Variants in POLG2 observed in about 807,000 individuals in gnomAD.
The protein encoded by POLG2 is DNA polymerase subunit gamma-2.
In POLG2, 50 loss-of-function variants were observed where a neutral mutation model predicts 56.5. The ratio of observed to expected loss-of-function variants is 0.88; its 90% CI spans 0.71 to 1.12. The LOEUF is 1.12. POLG2 is among the 50% of genes most tolerant of loss of function. The pLI is 0.00. For missense variants in POLG2, 584 were observed against 583.3 expected (o/e 1.00, Z -0.01); for synonymous variants, 226 against 222.6 (o/e 1.02, Z -0.14).
chr17:64,494,873 T>G (rs2038123203), intron 1 of POLG2, among the ~76,000 whole-genome samples: 1 of 152,186 alleles, frequency 6.6e-6, no homozygotes, highest in Admixed American at 6.5e-5. Context: ...CTGGTTCATC[T>G]TAGAAACCAA....
In POLG2 at chr17:64,477,957, A is replaced by C. The variant is rs1555665803; in HGVS notation, c.1324T>G (p.Leu442Val). 2 of 1,613,994 alleles carry C rather than the reference A, an allele frequency of 1.2e-6. No homozygotes were observed. Among genetic ancestry groups the C allele is most frequent in the Non-Finnish European group, 1.7e-6 (2 of 1,179,962 alleles). Residue 442 changes from leucine (L) to valine (V), a missense_variant, in exon 8 of 8, where the codon TTG becomes GTG. Physicochemically the swap from Leu to Val is conservative, Grantham distance 32. Coordinates refer to ENST00000539111, the MANE Select transcript of POLG2 (RefSeq NM_007215.4). Reference protein sequence around the residue: ...YDEMSILFTVLVTETTLENGL... With the variant: ...YDEMSILFTVVVTETTLENGL... ...TTCTCCAAAGTAGTTTCAGTAACCA[A>C]AACTGTGAAGAGAATACTCATTTCA...
At chr17:64,485,496 C>T in intron 5 of POLG2, 1 of 534,578 alleles carries the variant, frequency 1.9e-6, no homozygotes, top group Non-Finnish European at 3.3e-6. Context: ...TGTCTGTTCA[C>T]AATTAAACAG....
At chr17:64,493,119 G>T in intron 1 of POLG2, 98 bp from the exon 2 acceptor site, 1 of 1,306,446 alleles carries the variant, frequency 7.7e-7, no homozygotes, top group Non-Finnish European at 1.1e-6. Context: ...CGTTAACACA[G>T]CATAAAGACA....
Position 64,493,708 on chromosome 17 carries a change from G to A in POLG2, c.563-687C>T, listed in dbSNP as rs572226197. Among the ~76,000 whole-genome samples, 97 of 152,076 alleles carry A rather than the reference G, an allele frequency of 6.4e-4. 2 individuals are homozygous for A. Among genetic ancestry groups the A allele is most frequent in the Admixed American group, 4.8e-3 (73 of 15,276 alleles). ...TCACCGTGTTAGCCAGGTTGGTCTC[G>A]ATCTCCTGACCTCATGATCTGCCTG... On this transcript the variant is annotated intron_variant, in intron 1 of 7. Coordinates refer to ENST00000539111, the MANE Select transcript of POLG2 (RefSeq NM_007215.4).
intron 4 of POLG2, among the ~76,000 whole-genome samples, chr17:64,488,532 ATTC>A (rs1362942082): frequency 2.1e-4 from 32 of 152,284 alleles, no homozygotes; most frequent in Admixed American, 9.8e-4. Flanking sequence ...GCGAGACCCC[ATTC>A]TTCATACAAA....
chr17:64,496,731 T>C lies in POLG2; in HGVS notation c.238A>G (p.Ser80Gly). 6.2e-7 allele frequency: 1 copy of C among 1,614,002 alleles called. No homozygotes were observed. Residue 80 changes from serine to glycine, a missense_variant, in exon 1 of 8, where the codon AGT becomes GGT. Coordinates refer to ENST00000539111, the MANE Select transcript of POLG2 (RefSeq NM_007215.4). ...LEICQRRHFL[S>G]GSKQQLSRDS... The stretch of plus-strand genomic sequence containing the variant: ...CGGCTAAGCTGCTGCTTGCTTCCAC[T>C]TAGGAAATGCCTTCTCTGACAGATC...
intron 3 of POLG2, 108 bp downstream of exon 3, chr17:64,492,559 A>C (rs1555668699): frequency 1.4e-6 from 1 of 692,018 alleles, no homozygotes; most frequent in Non-Finnish European, 2.5e-6. Context: ...TAATATATTA[A>C]TAGCTACATA....
chr17:64,495,177 CA>C (rs782184151), intron 1 of POLG2, among the ~76,000 whole-genome samples: 29 of 119,288 alleles, frequency 2.4e-4, no homozygotes, highest in Non-Finnish European at 2.3e-4. Context: ...GACTCTGTCT[CA>C]AAAAAAAAAA....
intron 4 of POLG2, among the ~76,000 whole-genome samples, chr17:64,488,553 A>G (rs1426727346): frequency 2.6e-5 from 4 of 152,200 alleles, no homozygotes; most frequent in Non-Finnish European, 4.4e-5. Flanking sequence ...AAAAGAAAAA[A>G]AAGAACAAAA....
rs782311715 is a variant in POLG2, at chr17:64,477,808, T to C, written c.*15A>G. 5.2e-6 allele frequency: 8 copies of C among 1,552,036 alleles called. No homozygotes were observed. Among genetic ancestry groups the C allele is most frequent in the Non-Finnish European group, 6.9e-6 (8 of 1,151,566 alleles). On this transcript the variant is annotated 3_prime_UTR_variant, in exon 8 of 8. Transcript: ENST00000539111. The stretch of plus-strand genomic sequence containing the variant: ...AATTAGGAGAGAAGAATATTTATTA[T>C]ACAAATATAAAAATCTATACATTCT...
chr17:64,491,766 G>T, intron 3 of POLG2: 3 of 659,840 alleles, frequency 4.5e-6, no homozygotes, highest in South Asian at 4.3e-5. Flanking sequence ...GCTCAAGCAC[G>T]AGCGGCTATG....
chr17:64,478,278 C>T (rs1368318088), intron 7 of POLG2, among the ~76,000 whole-genome samples: 4 of 151,084 alleles, frequency 2.6e-5, no homozygotes, highest in East Asian at 1.9e-4. Context: ...ACAGAAGAAC[C>T]GCATAATAAC....
At chr17:64,479,526 A>G (rs1159868225) in intron 7 of POLG2, among the ~76,000 whole-genome samples, 1 of 152,170 alleles carries the variant, frequency 6.6e-6, no homozygotes, top group Non-Finnish European at 1.5e-5. Flanking sequence ...ACTGAAGATC[A>G]AAACACAATG....
intron 4 of POLG2, chr17:64,486,826 T>C (rs2037964620): frequency 6.6e-6 from 1 of 152,190 alleles, no homozygotes; most frequent in Admixed American, 6.5e-5. Context: ...ACTTTTTGCA[T>C]TAAAGCCATA....
intron 3 of POLG2, among the ~76,000 whole-genome samples, chr17:64,492,158 C>T (rs781854109): frequency 1.3e-5 from 2 of 152,220 alleles, no homozygotes; most frequent in East Asian, 1.9e-4. Flanking sequence ...TACCCTTCTG[C>T]GAAGTTCTTG....
chr17:64,496,660 G>C lies in POLG2; in HGVS notation c.309C>G (p.Gly103=). ...CGGCCAGGTTCTTCCGCAACTCTAC[G>C]CCCAAGGGTCCGAAGCCGGGGTGGC... The part of the protein sequence containing the change: ...SGCHPGFGPL[G]VELRKNLAAE... The change falls in exon 1 of 8, where the codon GGC becomes GGG. Residue 103 remains glycine (G), a synonymous_variant. Transcript: ENST00000539111. 6.2e-7 allele frequency: 1 copy of C among 1,613,940 alleles called. No individual in the cohort carries two copies. The highest frequency in any genetic ancestry group is 1.1e-5 in the South Asian group (1 of 91,056).
rs184498142 is a variant in POLG2 at position 64,495,339 on chromosome 17, G to A, written c.562+1068C>T. On this transcript the variant is annotated intron_variant, in intron 1 of 7. Coordinates refer to ENST00000539111, the MANE Select transcript of POLG2 (RefSeq NM_007215.4). ...TCACACCTGTAATCCCAGCACTTTGGGGGGCCAAGATGGGCGGATTGCTTA... is the reference window on the plus strand; with the variant it reads ...TCACACCTGTAATCCCAGCACTTTGAGGGGCCAAGATGGGCGGATTGCTTA... 1.1e-4 allele frequency among the ~76,000 whole-genome samples: 17 copies of A among 152,128 alleles called. 1 individual carries two copies. The highest frequency in any genetic ancestry group is 4.1e-4 in the African/African-American group (17 of 41,404).
chr17:64,492,786 A>G lies in POLG2; in HGVS notation c.690-14T>C, dbSNP rs1455533215. The G allele has an allele frequency of 6.2e-7, 1 of 1,600,854 alleles. No homozygotes were observed. Among genetic ancestry groups the G allele is most frequent in the African/African-American group, 1.3e-5 (1 of 74,670 alleles). The stretch of plus-strand genomic sequence containing the variant: ...TTCTCACCAATACTTTAGATATAAA[A>G]CGTATCAGGAAGTTAGCTTATCTGA... On this transcript the variant is annotated splice_polypyrimidine_tract_variant and intron_variant, in intron 2 of 7. Transcript: ENST00000539111.
intron 6 of POLG2, chr17:64,481,240 C>T (rs1374055670): frequency 1.0e-6 from 1 of 978,176 alleles, no homozygotes; most frequent in Non-Finnish European, 1.2e-6. Flanking sequence ...AGGGAGGCTG[C>T]CATACCCTGG....
Sources: allele counts gnomAD v4.1 joint callset (sites outside exome capture counted in the v4.1 genomes callset), GRCh38; gene constraint gnomAD v4.1.1; transcripts MANE v1.5; gene names NCBI Gene and HGNC (gene_info 2026-07-23, HGNC 2026-07-21).